The following GRID2 variants were observed in gnomAD, a reference collection of about 807,000 sequenced individuals.
GRID2 encodes the protein glutamate receptor ionotropic, delta-2.
Under a neutral mutation model 114.8 loss-of-function variants are expected in GRID2, and 33 were observed. The observed-to-expected ratio is 0.29, with a 90% confidence interval of 0.22 to 0.38. The LOEUF is 0.38. GRID2 is among the 10% of genes least tolerant of loss of function. The pLI, the probability that GRID2 is intolerant of heterozygous loss-of-function variation, is 1.00. For missense variants in GRID2, 1,184 were observed against 1,257.7 expected (o/e 0.94, Z 0.89); for synonymous variants, 505 against 449.9 (o/e 1.12, Z -1.55).
intron 2 of GRID2, among the ~76,000 whole-genome samples, chr4:92,718,478 A>C (rs1011056119): frequency 5.3e-5 from 8 of 152,072 alleles, no homozygotes; most frequent in African/African-American, 1.9e-4. Context: ...TATTTTTAAA[A>C]ATTTCAGGCC....
chr4:92,329,943 AAGAG>A (rs372179429), intron 1 of GRID2, among the ~76,000 whole-genome samples: 18 of 149,360 alleles, frequency 1.2e-4, no homozygotes, highest in African/African-American at 4.4e-4. Flanking sequence ...GAAAGGAGAG[AAGAG>A]AGAGAGGGAA....
intron 8 of GRID2, among the ~76,000 whole-genome samples, chr4:93,370,204 A>G (rs958305432): frequency 2.0e-5 from 3 of 148,422 alleles, no homozygotes; most frequent in African/African-American, 7.9e-5. Flanking sequence ...CAAAACACAG[A>G]CTTTCTTGTG....
At chr4:92,709,583 A>ATATATATATATATAT (rs1553919213) in intron 2 of GRID2, among the ~76,000 whole-genome samples, 1 of 127,890 alleles carries the variant, frequency 7.8e-6, no homozygotes, top group African/African-American at 3.1e-5. Context: ...AAAAAAAAAA[A>ATATATATATATATAT]AAAAAAATAT....
chr4:93,329,885 G>C (rs1404180433), intron 8 of GRID2, among the ~76,000 whole-genome samples: 1 of 150,560 alleles, frequency 6.6e-6, no homozygotes, highest in Non-Finnish European at 1.5e-5. Context: ...TAGGAAAAGA[G>C]CCAGGCTCAC....
intron 1 of GRID2, among the ~76,000 whole-genome samples, chr4:92,357,103 C>T (rs1263259763): frequency 6.6e-6 from 1 of 151,586 alleles, no homozygotes; most frequent in African/African-American, 2.4e-5. Context: ...ACACTATTTC[C>T]AAACTTTGGA....
chr4:93,536,061 C>A (rs1189074841), intron 13 of GRID2, among the ~76,000 whole-genome samples: 1 of 151,780 alleles, frequency 6.6e-6, no homozygotes, highest in Admixed American at 6.6e-5. Flanking sequence ...GAAGAAGACA[C>A]AAATAAATGA....
chr4:92,563,355 C>T (rs1245851210), intron 1 of GRID2, among the ~76,000 whole-genome samples: 1 of 152,058 alleles, frequency 6.6e-6, no homozygotes, highest in African/African-American at 2.4e-5. Context: ...GGCTTATTAA[C>T]TTTTCTGCCT....
At chr4:92,556,278 G>T (rs1193582462) in intron 1 of GRID2, among the ~76,000 whole-genome samples, 1 of 151,954 alleles carries the variant, frequency 6.6e-6, no homozygotes, top group Admixed American at 6.6e-5. Flanking sequence ...TATGGTCAAA[G>T]GTTGATTCTT....
At chr4:92,682,370 G>C (rs938251126) in intron 2 of GRID2, among the ~76,000 whole-genome samples, 3 of 152,136 alleles carry the variant, frequency 2.0e-5, no homozygotes, top group Non-Finnish European at 4.4e-5. Flanking sequence ...TGTATGGTCC[G>C]TAGACCAGCA....
chr4:93,768,674 C>A (rs1490946893), intron 14 of GRID2, among the ~76,000 whole-genome samples: 1 of 152,174 alleles, frequency 6.6e-6, no homozygotes, highest in Non-Finnish European at 1.5e-5. Context: ...CTTCCTCTCA[C>A]ACTGTGTTAA....
At chr4:92,638,823 C>T (rs1247715736) in intron 2 of GRID2, among the ~76,000 whole-genome samples, 1 of 150,338 alleles carries the variant, frequency 6.7e-6, no homozygotes, top group African/African-American at 2.4e-5. Flanking sequence ...TAATATTTGT[C>T]TTTGAAATAT....
chr4:92,816,318 C>CAAAAAAAAAAAAAAAAAAAAAAAAAAAA (rs764487348), intron 2 of GRID2, among the ~76,000 whole-genome samples: 12 of 48,256 alleles, frequency 2.5e-4, no homozygotes, highest in East Asian at 1.4e-3. Flanking sequence ...TCTGTCTCAC[C>CAAAAAAAAAAAAAAAAAAAAAAAAAAAA]AAAAAAAAAA....
chr4:92,553,000 G>A (rs992661479), intron 1 of GRID2, among the ~76,000 whole-genome samples: 10 of 152,154 alleles, frequency 6.6e-5, no homozygotes, highest in Non-Finnish European at 1.5e-4. Flanking sequence ...ACAATGAAAT[G>A]GGGGCAAGCA....
In GRID2 at chr4:93,626,326, A is replaced by G. The variant is rs776548260; in HGVS notation, c.2251A>G (p.Ile751Val). ...TGCAGCTGTATTGGAATATGTGGCT[A>G]TCAATGACCCAGATTGTTCCTTTTA... The part of the protein sequence containing the change: ...WDAAVLEYVA[I>V]NDPDCSFYTI... The change falls in exon 14 of 16, where the codon ATC becomes GTC. Residue 751 changes from isoleucine (I) to valine (V), a missense_variant. By Grantham distance (29) the Ile-to-Val change is conservative (BLOSUM62 3). Coordinates refer to ENST00000282020, the MANE Select transcript of GRID2 (RefSeq NM_001510.4). The G allele has an allele frequency of 1.7e-5, 27 of 1,602,376 alleles. No homozygotes were observed. The highest frequency in any genetic ancestry group is 2.2e-5 in the Non-Finnish European group (26 of 1,169,548).
intron 1 of GRID2, among the ~76,000 whole-genome samples, chr4:92,574,289 T>C (rs1353527695): frequency 6.6e-6 from 1 of 152,176 alleles, no homozygotes; most frequent in Non-Finnish European, 1.5e-5. Context: ...TTTATCCCAT[T>C]TATATTTAAG....
chr4:92,796,875 G>A (rs1739905748), intron 2 of GRID2, among the ~76,000 whole-genome samples: 1 of 151,762 alleles, frequency 6.6e-6, no homozygotes, highest in African/African-American at 2.4e-5. Flanking sequence ...TCTATAGGTA[G>A]GCTCTTTTCT....
intron 2 of GRID2, among the ~76,000 whole-genome samples, chr4:93,080,424 T>C (rs2149316833): frequency 6.6e-6 from 1 of 152,318 alleles, no homozygotes; most frequent in Admixed American, 6.5e-5. Flanking sequence ...CAACAATTAC[T>C]TGAAAGAGCA....
chr4:92,959,490 C>A (rs1212029478), intron 2 of GRID2, among the ~76,000 whole-genome samples: 1 of 151,912 alleles, frequency 6.6e-6, no homozygotes, highest in Non-Finnish European at 1.5e-5. Flanking sequence ...TAACCTTCAG[C>A]AATCCCACTG....
chr4:92,611,009 T>G (rs1264261573), intron 2 of GRID2, among the ~76,000 whole-genome samples: 1 of 146,230 alleles, frequency 6.8e-6, no homozygotes, highest in Non-Finnish European at 1.5e-5. Context: ...TGAATATTTA[T>G]TGAATAGTCT....
Sources: gnomAD v4.1 joint callset for allele counts (sites outside exome capture counted in the v4.1 genomes callset) on GRCh38, gnomAD v4.1.1 for gene constraint, MANE v1.5 for transcripts, NCBI Gene and HGNC (gene_info 2026-07-23, HGNC 2026-07-21) for gene names.